Variants in SORCS2 observed in about 807,000 individuals in gnomAD.
SORCS2 encodes VPS10 domain-containing receptor SorCS2.
Under a neutral mutation model 141.6 loss-of-function variants are expected in SORCS2, and 100 were observed. That is an observed-to-expected ratio of 0.71 (90% CI 0.60 to 0.83). The LOEUF is 0.83. Among genes scored for constraint, SORCS2 ranks in the 40% least tolerant of loss-of-function variants. The pLI, the probability that SORCS2 is intolerant of heterozygous loss-of-function variation, is 0.00. For missense variants in SORCS2, 1,646 were observed against 1,560.2 expected (o/e 1.05, Z -0.93); for synonymous variants, 789 against 676.9 (o/e 1.17, Z -2.57).
chr4:7,620,556 A>G (rs1439802172), intron 3 of SORCS2, among the ~76,000 whole-genome samples: 3 of 152,234 alleles, frequency 2.0e-5, no homozygotes, highest in Admixed American at 6.5e-5. Flanking sequence ...CGGGCAGCTG[A>G]GTTGTGGGCA....
chr4:7,643,696 C>T (rs1170647745), intron 4 of SORCS2, among the ~76,000 whole-genome samples: 1 of 152,196 alleles, frequency 6.6e-6, no homozygotes, highest in Non-Finnish European at 1.5e-5. Flanking sequence ...CACAGTCCCC[C>T]AGCCTTAAGT....
intron 7 of SORCS2, among the ~76,000 whole-genome samples, chr4:7,666,049 G>A (rs916477305): frequency 5.3e-5 from 8 of 152,118 alleles, no homozygotes; most frequent in Non-Finnish European, 1.0e-4. Flanking sequence ...CTGGATTGAG[G>A]GATGTGAGGA....
chr4:7,515,533 A>T (rs1732919261), intron 2 of SORCS2, among the ~76,000 whole-genome samples: 1 of 152,162 alleles, frequency 6.6e-6, no homozygotes, highest in Non-Finnish European at 1.5e-5. Context: ...ATGGAGGAGG[A>T]GGAGCAGCTT....
intron 2 of SORCS2, among the ~76,000 whole-genome samples, chr4:7,465,124 C>T (rs182828482): frequency 2.0e-4 from 30 of 152,278 alleles, no homozygotes; most frequent in African/African-American, 4.1e-4. Flanking sequence ...CACCCGGGGC[C>T]GCTGGGCGAA....
chr4:7,653,595 C>G (rs535092171), intron 4 of SORCS2, among the ~76,000 whole-genome samples: 1 of 152,274 alleles, frequency 6.6e-6, no homozygotes, highest in East Asian at 1.9e-4. Flanking sequence ...AGAATTAAGC[C>G]CCAGATGTGG....
At chr4:7,671,322 G>A (rs111431313) in intron 8 of SORCS2, among the ~76,000 whole-genome samples, 1 of 150,654 alleles carries the variant, frequency 6.6e-6, no homozygotes, top group African/African-American at 2.5e-5. Flanking sequence ...AAAGAAACAG[G>A]AAAGTATGAG....
intron 1 of SORCS2, among the ~76,000 whole-genome samples, chr4:7,356,037 G>A (rs1293053662): frequency 6.6e-6 from 1 of 152,194 alleles, no homozygotes; most frequent in Non-Finnish European, 1.5e-5. Flanking sequence ...GTCCACGCTT[G>A]TTGCTGCCCC....
intron 1 of SORCS2, among the ~76,000 whole-genome samples, chr4:7,224,211 C>A (rs1458497203): frequency 1.3e-5 from 2 of 152,040 alleles, no homozygotes; most frequent in Non-Finnish European, 2.9e-5. Flanking sequence ...CAGGGCTGAG[C>A]CCCAGGGGGC....
intron 1 of SORCS2, among the ~76,000 whole-genome samples, chr4:7,320,139 C>CA (rs58738443): frequency 6.6e-6 from 1 of 151,162 alleles, no homozygotes; most frequent in Non-Finnish European, 1.5e-5. Flanking sequence ...TTTGTCTCTA[C>CA]AAAAAAAATG....
chr4:7,699,606 A>T (rs1724929032), intron 12 of SORCS2, among the ~76,000 whole-genome samples: 1 of 151,950 alleles, frequency 6.6e-6, no homozygotes, highest in African/African-American at 2.4e-5. Flanking sequence ...CCCCCAAAGC[A>T]GTCGTTTAGG....
At chr4:7,482,658 T>C (rs1461746775) in intron 2 of SORCS2, among the ~76,000 whole-genome samples, 1 of 72,576 alleles carries the variant, frequency 1.4e-5, no homozygotes, top group Non-Finnish European at 2.4e-5. Flanking sequence ...GTATCCCCGC[T>C]GCGGACACCC....
At chr4:7,667,303 G>A in intron 8 of SORCS2, 90 bp downstream of exon 8, 2 of 1,191,604 alleles carry the variant, frequency 1.7e-6, no homozygotes, top group South Asian at 2.6e-5. Context: ...ACAGGTGCTT[G>A]GCGGTCCCAG....
chr4:7,527,923 C>T (rs1733798122), intron 2 of SORCS2, among the ~76,000 whole-genome samples: 1 of 152,062 alleles, frequency 6.6e-6, no homozygotes, highest in African/African-American at 2.4e-5. Context: ...CACCTGGACC[C>T]CCTCAGTTTG....
At chr4:7,603,650 G>A (rs1045248616) in intron 3 of SORCS2, among the ~76,000 whole-genome samples, 11 of 152,048 alleles carry the variant, frequency 7.2e-5, no homozygotes, top group Admixed American at 3.3e-4. Flanking sequence ...AGTCTTTGGG[G>A]GCCTAATTAA....
At position 7,233,509 on chromosome 4, in the gene SORCS2, C is replaced by T. The variant is rs1011885082; in HGVS notation, c.480+40383C>T. On this transcript the variant is annotated intron_variant, in intron 1 of 26. Coordinates refer to ENST00000507866, the MANE Select transcript of SORCS2 (RefSeq NM_020777.3). This position sits in a 1 kb window ranked among gnomAD's most constrained non-coding sequence, Gnocchi z 4.5. ...CCTCGCTGGGCTCAGGGTGAGCAGA[C>T]ACTTGCTGGGTTCAGGGTGAGCAGA... is the stretch of plus-strand genomic sequence containing the variant. Among the ~76,000 whole-genome samples the T allele has an allele frequency of 2.6e-5, 4 of 152,166 alleles. No homozygotes were observed. Among genetic ancestry groups the T allele is most frequent in the African/African-American group, 4.8e-5 (2 of 41,440 alleles).
chr4:7,664,021 G>A lies in SORCS2; in HGVS notation c.953-332G>A, dbSNP rs1722343804. On this transcript the variant is annotated intron_variant, in intron 6 of 26. Transcript: ENST00000507866. This position sits in a 1 kb window ranked among gnomAD's most constrained non-coding sequence, Gnocchi z 4.7. ...CCCCCATCCCTGCTTAGGTGTGAGAGACTTCAGGAGGGTATGGGGGCCGTG... is the reference window on the plus strand; with the variant it reads ...CCCCCATCCCTGCTTAGGTGTGAGAAACTTCAGGAGGGTATGGGGGCCGTG... 6.6e-6 allele frequency among the ~76,000 whole-genome samples: 1 copy of A among 152,178 alleles called. No homozygotes were observed. Among genetic ancestry groups the A allele is most frequent in the South Asian group, 2.1e-4 (1 of 4,832 alleles).
intron 20 of SORCS2, among the ~76,000 whole-genome samples, chr4:7,725,590 G>A (rs1420828065): frequency 6.6e-6 from 1 of 152,190 alleles, no homozygotes; most frequent in African/African-American, 2.4e-5. Context: ...AGGTAGGTGG[G>A]CTGCATGAGA....
At chr4:7,426,829 C>G (rs866857105) in intron 2 of SORCS2, among the ~76,000 whole-genome samples, 8 of 152,172 alleles carry the variant, frequency 5.3e-5, no homozygotes, top group Non-Finnish European at 8.8e-5. Flanking sequence ...CAGTGAAGCC[C>G]GTGTTTCTCT....
Position 7,697,255 on chromosome 4 carries a change from G to T in SORCS2, c.1649G>T (p.Cys550Phe). 1 of 1,590,500 alleles carries T rather than the reference G, an allele frequency of 6.3e-7. No individual in the cohort carries two copies. The highest frequency in any genetic ancestry group is 8.6e-7 in the Non-Finnish European group (1 of 1,168,846). The change falls in exon 12 of 27, where the codon TGT (cysteine) becomes TTT (phenylalanine). Residue 550 changes from cysteine (C) to phenylalanine (F), a missense_variant. By Grantham distance (205) the Cys-to-Phe change is radical (BLOSUM62 -2). Coordinates refer to ENST00000507866, the MANE Select transcript of SORCS2 (RefSeq NM_020777.3). ...YKEEMYITSD[C>F]GHTWRQVFEE... is the part of the protein sequence containing the mutation. ...GAAGAAATGTACATCACGTCAGACT[G>T]TGGTCACACCTGGCGGCAGGTAAGC...
Sources: gnomAD v4.1 joint callset for allele counts (sites outside exome capture counted in the v4.1 genomes callset) on GRCh38, gnomAD v4.1.1 for gene constraint, Gnocchi (gnomAD v3.1) non-coding constraint, MANE v1.5 for transcripts, NCBI Gene and HGNC (gene_info 2026-07-23, HGNC 2026-07-21) for gene names.